CCDC171: variants seen among roughly 807,000 people sequenced by gnomAD.
The protein encoded by CCDC171 is coiled-coil domain containing 171.
CCDC171 carries 177 observed loss-of-function variants against 168.2 expected under a neutral mutation model. That is an observed-to-expected ratio of 1.05 (90% confidence interval 0.93 to 1.19). The LOEUF is 1.19. Ranked by LOEUF, CCDC171 falls within the 50% of genes most tolerant of loss-of-function variation. The pLI is 0.00. For synonymous variants in CCDC171, 687 were observed against 540.8 expected, an observed-to-expected ratio of 1.27 and a Z score of -3.75; for missense variants, 1,991 against 1,539.0, an observed-to-expected ratio of 1.29 and a Z score of -4.91.
chr9:15,777,904 A>T (rs1448257543), intron 19 of CCDC171, 78 bp downstream of exon 19: 1 of 952,986 alleles, frequency 1.0e-6, no homozygotes, highest in Non-Finnish European at 1.5e-6. Flanking sequence ...TGTAGTTTAA[A>T]TTATTAGTTG....
At position 15,591,576 on chromosome 9, in the gene CCDC171, G is replaced by C; in HGVS notation, c.543+20G>C. The C allele has an allele frequency of 1.5e-6, 2 of 1,323,022 alleles. No homozygotes were observed. The highest frequency in any genetic ancestry group is 2.6e-4 in the Middle Eastern group (1 of 3,896). The allele number at this position is 1,323,022 out of a possible 1,614,324, so 82.0% of individuals were successfully genotyped here. Reference sequence around the variant, plus strand: ...CTACAGGTAAAATAGTTTTTATAAAGGAATTTTCCGATATGTAATATTCAC... The same window carrying C: ...CTACAGGTAAAATAGTTTTTATAAACGAATTTTCCGATATGTAATATTCAC... On this transcript the variant is annotated intron_variant, in intron 5 of 25. Coordinates refer to ENST00000380701, the MANE Select transcript of CCDC171 (RefSeq NM_173550.4).
chr9:15,948,921 G>A (rs1000778075), intron 25 of CCDC171, among the ~76,000 whole-genome samples: 12 of 152,098 alleles, frequency 7.9e-5, no homozygotes, highest in African/African-American at 2.9e-4. Flanking sequence ...GAATGGTAAT[G>A]CCTAGGTTTT....
chr9:15,944,418 G>A (rs1828062283), intron 25 of CCDC171, among the ~76,000 whole-genome samples: 1 of 152,048 alleles, frequency 6.6e-6, no homozygotes, highest in Non-Finnish European at 1.5e-5. Flanking sequence ...AAAAGGAAAG[G>A]ATGGGGAGGA....
At chr9:15,809,937 G>C (rs1227919065) in intron 21 of CCDC171, among the ~76,000 whole-genome samples, 1 of 152,042 alleles carries the variant, frequency 6.6e-6, no homozygotes, top group South Asian at 2.1e-4. Context: ...TGTTTGGTCC[G>C]TTTTACAGAG....
At chr9:15,782,694 A>T (rs761593463) in intron 20 of CCDC171, among the ~76,000 whole-genome samples, 2 of 152,158 alleles carry the variant, frequency 1.3e-5, no homozygotes, top group Non-Finnish European at 2.9e-5. Flanking sequence ...TGTTCACAAG[A>T]CCCAGCGCAT....
At chr9:15,616,105 C>T (rs1053173227) in intron 6 of CCDC171, among the ~76,000 whole-genome samples, 7 of 152,090 alleles carry the variant, frequency 4.6e-5, no homozygotes, top group African/African-American at 1.7e-4. Flanking sequence ...TGTGTGCCAC[C>T]ACACCTGGCT....
intron 19 of CCDC171, among the ~76,000 whole-genome samples, chr9:15,778,415 G>T (rs1218424751): frequency 1.3e-5 from 2 of 149,404 alleles, no homozygotes; most frequent in Admixed American, 6.7e-5. Flanking sequence ...AAGGCAGGTG[G>T]ATCACCTGAG....
At chr9:16,069,751 G>A in the CCDC171 span, among the ~76,000 whole-genome samples, 8 of 152,186 alleles carry the variant, frequency 5.3e-5, no homozygotes, top group Admixed American at 4.6e-4. Context: ...AGCCTAAGGC[G>A]GTGAGAGCTT....
At chr9:15,795,258 A>G (rs561569151) in intron 21 of CCDC171, among the ~76,000 whole-genome samples, 13 of 152,298 alleles carry the variant, frequency 8.5e-5, no homozygotes, top group Admixed American at 6.5e-4. Context: ...ACCCTATTTC[A>G]TCGGTTAATT....
intron 23 of CCDC171, among the ~76,000 whole-genome samples, chr9:15,863,036 ACCACC>A (rs2061624977): frequency 7.1e-6 from 1 of 140,822 alleles, no homozygotes; most frequent in African/African-American, 3.0e-5. Flanking sequence ...AGTCCAAACC[ACCACC>A]CTTTTTCTCA....
chr9:15,774,229 G>T (rs1318302780), intron 18 of CCDC171, among the ~76,000 whole-genome samples: 1 of 116,066 alleles, frequency 8.6e-6, no homozygotes, highest in Non-Finnish European at 1.6e-5. Context: ...CTGGGTGACA[G>T]AGCAAGACGC....
intron 4 of CCDC171, among the ~76,000 whole-genome samples, 192 bp downstream of exon 4, chr9:15,579,215 C>T (rs1434179590): frequency 6.6e-6 from 1 of 152,172 alleles, no homozygotes; most frequent in Non-Finnish European, 1.5e-5. Context: ...ATCTACTTTA[C>T]ATTGATTTTT....
the CCDC171 span, among the ~76,000 whole-genome samples, chr9:16,086,614 T>C: frequency 6.0e-4 from 91 of 152,296 alleles, no homozygotes; most frequent in African/African-American, 2.1e-3. Flanking sequence ...TTCTTCTTTA[T>C]TAGTCTGGCT....
At position 15,676,278 on chromosome 9, in the gene CCDC171, C is replaced by G. The variant is rs556434890; in HGVS notation, c.1077-2480C>G. ...TTATTCTATTTAGCCGTTCGCCTGA[C>G]CTTTTTGCAAGGTTTTTAGCTTCCT... On this transcript the variant is annotated intron_variant, in intron 9 of 25. Transcript: ENST00000380701. 7.2e-5 allele frequency among the ~76,000 whole-genome samples: 11 copies of G among 152,208 alleles called. No individual in the cohort carries two copies. The South Asian group carries it at 2.3e-3, about 32-fold the overall frequency.
chr9:15,699,425 G>C (rs755331002), intron 11 of CCDC171, among the ~76,000 whole-genome samples: 4 of 152,172 alleles, frequency 2.6e-5, no homozygotes, highest in Non-Finnish European at 5.9e-5. Context: ...GGGGACCCGA[G>C]CGGGTTGCCA....
At chr9:15,842,919 G>T (rs115110608) in intron 21 of CCDC171, among the ~76,000 whole-genome samples, 2,319 of 151,744 alleles carry the variant, frequency 0.015, 71 homozygotes, top group African/African-American at 0.053. Context: ...CAGGAACTAT[G>T]GATAAGAAAA....
chr9:16,092,829 C>G, the CCDC171 span, among the ~76,000 whole-genome samples: 1 of 152,188 alleles, frequency 6.6e-6, no homozygotes, highest in Non-Finnish European at 1.5e-5. Flanking sequence ...TTATTTCAGA[C>G]CTGTGTCCCC....
chr9:15,999,578 G>T (rs1832480070), intron 3 of CCDC171, among the ~76,000 whole-genome samples: 1 of 152,148 alleles, frequency 6.6e-6, no homozygotes, highest in Admixed American at 6.5e-5. Flanking sequence ...TCTTCCAATA[G>T]TGGTGCAGCA....
chr9:15,984,682 A>G (rs141500387), intron 3 of CCDC171, among the ~76,000 whole-genome samples: 291 of 152,250 alleles, frequency 1.9e-3, no homozygotes, highest in African/African-American at 5.4e-3. Flanking sequence ...TCATGGTTTT[A>G]TAGAATATTT....
Sources: gnomAD v4.1 joint callset for allele counts (sites outside exome capture counted in the v4.1 genomes callset) on GRCh38, gnomAD v4.1.1 for gene constraint, MANE v1.5 for transcripts, NCBI Gene and HGNC (gene_info 2026-07-23, HGNC 2026-07-21) for gene names.